Variants in ZNF544 observed in about 807,000 individuals in gnomAD.
ZNF544 encodes zinc finger protein AF020591.
ZNF544 carries 10 observed loss-of-function variants against 13.5 expected under a neutral mutation model. That is an observed-to-expected ratio of 0.74 (90% confidence interval 0.46 to 1.25). The LOEUF (loss-of-function observed/expected upper bound fraction) is 1.25, where lower values mean the gene tolerates loss of function less well. Ranked by LOEUF, ZNF544 falls within the 50% of genes most tolerant of loss-of-function variation. The pLI is 0.00. For synonymous variants in ZNF544, 323 were observed against 300.5 expected (o/e 1.07, Z -0.77); for missense variants, 896 against 845.6 (o/e 1.06, Z -0.74).
chr19:58,261,341 T>G lies in ZNF544; in HGVS notation c.735T>G (p.Ile245Met). 6.2e-7 allele frequency: 1 copy of G among 1,614,172 alleles called. No homozygotes were observed. The highest frequency in any genetic ancestry group is 8.5e-7 in the Non-Finnish European group (1 of 1,180,046). The change falls in exon 7 of 7, where the codon ATT becomes ATG. Residue 245 changes from isoleucine (I) to methionine (M), a missense_variant. Ile to Met is a conservative substitution (Grantham distance 10). Transcript: ENST00000687789. ...ETGKKNPYEY[I>M]VSGDSLNYGS... is the part of the protein sequence containing the mutation. ...GAAAGAAAAACCCTTATGAATATAT[T>G]GTCAGTGGTGACTCTCTCAACTATG... is the stretch of plus-strand genomic sequence containing the variant.
Position 58,261,364 on chromosome 19 carries a change from A to G in ZNF544, c.758A>G (p.Tyr253Cys), listed in dbSNP as rs1417903426. The G allele has an allele frequency of 2.5e-6, 4 of 1,614,072 alleles. No homozygotes were observed. The highest frequency in any genetic ancestry group is 8.5e-7 in the Non-Finnish European group (1 of 1,180,050). ...EYIVSGDSLN[Y>C]GSSLCFHGRT... is the part of the protein sequence containing the mutation. ...ATTGTCAGTGGTGACTCTCTCAACT[A>G]TGGTTCCTCCCTTTGTTTTCATGGT... Residue 253 changes from tyrosine (Y) to cysteine (C), a missense_variant, in exon 7 of 7, where the codon TAT (tyrosine) becomes TGT (cysteine). Coordinates refer to ENST00000687789, the MANE Select transcript of ZNF544 (RefSeq NM_014480.4).
chr19:58,232,946 CAAAAAA>C (rs71190012), intron 3 of ZNF544, among the ~76,000 whole-genome samples: 2 of 46,078 alleles, frequency 4.3e-5, no homozygotes, highest in Admixed American at 3.1e-4. Flanking sequence ...GACTCCATCT[CAAAAAA>C]AAAAAAAAAA....
chr19:58,229,518 T>C lies in ZNF544; in HGVS notation c.-181T>C, dbSNP rs948228366. On this transcript the variant is annotated 5_prime_UTR_variant, in exon 2 of 7. Transcript: ENST00000687789. ...AGCGGCACCAGGCAGGTGACGCCTA[T>C]TGGACCCCAGAGGTCATCCCAGCTC... 1.3e-5 allele frequency: 2 copies of C among 152,344 alleles called. No homozygotes were observed. Among genetic ancestry groups the C allele is most frequent in the Non-Finnish European group, 2.9e-5 (2 of 68,136 alleles). The allele number at this position is 152,344 out of a possible 1,614,324, so 9.4% of individuals were successfully genotyped here.
intron 6 of ZNF544, chr19:58,251,468 G>A: frequency 4.2e-6 from 2 of 479,962 alleles, no homozygotes; most frequent in South Asian, 3.0e-5. Context: ...ACTGAAAATG[G>A]TCCCTTCCAC....
chr19:58,265,664 T>TGGCTCACTGCAGCCTC (rs2049777360), downstream of ZNF544, among the ~76,000 whole-genome samples: 1 of 151,972 alleles, frequency 6.6e-6, no homozygotes, highest in Non-Finnish European at 1.5e-5. Context: ...GGCGCAGTCA[T>TGGCTCACTGCAGCCTC]GGCTCACTGC....
chr19:58,242,387 A>AG, intron 3 of ZNF544: 1 of 715,940 alleles, frequency 1.4e-6, no homozygotes, highest in Non-Finnish European at 1.7e-6. Context: ...TATTCCAGGG[A>AG]ATTTTTTTTT....
intron 6 of ZNF544, among the ~76,000 whole-genome samples, chr19:58,254,869 T>C (rs1159184633): frequency 6.6e-6 from 1 of 151,670 alleles, no homozygotes; most frequent in South Asian, 2.1e-4. Context: ...TCTTTCTTTT[T>C]TTTTTTTTTT....
At chr19:58,276,230 A>C in intron 5 of ZNF544, 1 of 534,058 alleles carries the variant, frequency 1.9e-6, no homozygotes, top group Non-Finnish European at 2.8e-6. Flanking sequence ...TAAAGAGAAT[A>C]GATCTTTGCA....
At chr19:58,253,739 C>T (rs973434016) in intron 6 of ZNF544, among the ~76,000 whole-genome samples, 1 of 152,190 alleles carries the variant, frequency 6.6e-6, no homozygotes, top group Non-Finnish European at 1.5e-5. Flanking sequence ...CATGCCCGGC[C>T]AAACTAGTCT....
At chr19:58,243,671 C>T (rs1399708468) in intron 3 of ZNF544, among the ~76,000 whole-genome samples, 1 of 152,104 alleles carries the variant, frequency 6.6e-6, no homozygotes, top group African/African-American at 2.4e-5. Context: ...TGTACAATTA[C>T]TTAGACACCT....
In ZNF544 at chr19:58,246,736, G is replaced by A; in HGVS notation, c.186G>A (p.Val62=). Reference sequence around the variant, plus strand: ...GGCTTTTCCTTTCCAAATCTGATGTGATCTCTCAGCTGGAGCAAGAAGAGG... The same window carrying A: ...GGCTTTTCCTTTCCAAATCTGATGTAATCTCTCAGCTGGAGCAAGAAGAGG... ...SLGLFLSKSD[V]ISQLEQEEDL... Residue 62 remains valine (V), a synonymous_variant, in exon 6 of 7, where the codon GTG becomes GTA. Transcript: ENST00000687789. The A allele has an allele frequency of 6.2e-7, 1 of 1,614,142 alleles. No homozygotes were observed. Among genetic ancestry groups the A allele is most frequent in the African/African-American group, 1.3e-5 (1 of 75,050 alleles).
chr19:58,243,961 C>G lies in ZNF544; in HGVS notation c.-59-4C>G. 1 of 1,566,318 alleles carries G rather than the reference C, an allele frequency of 6.4e-7. No homozygotes were observed. The highest frequency in any genetic ancestry group is 8.7e-7 in the Non-Finnish European group (1 of 1,154,760). ...GCTGAATCTCTGCTTGTTTTCCACCCCAGACTGGTCTTCTGAGGACCTCTG... is the reference window on the plus strand; with the variant it reads ...GCTGAATCTCTGCTTGTTTTCCACCGCAGACTGGTCTTCTGAGGACCTCTG... On this transcript the variant is annotated splice_polypyrimidine_tract_variant and splice_region_variant and intron_variant, in intron 3 of 6. Transcript: ENST00000687789.
chr19:58,264,833 C>T (rs1021835553), downstream of ZNF544, among the ~76,000 whole-genome samples: 1 of 152,072 alleles, frequency 6.6e-6, no homozygotes, highest in East Asian at 1.9e-4. Context: ...ATGTTGAGAC[C>T]CCATCTCTAC....
chr19:58,246,428 G>A lies in ZNF544; in HGVS notation c.160+1G>A, dbSNP rs563193589. On this transcript the variant is annotated splice_donor_variant, in intron 5 of 6. Coordinates refer to ENST00000687789, the MANE Select transcript of ZNF544 (RefSeq NM_014480.4). LOFTEE classifies it high-confidence loss of function. ...ACCTGGGAGCATATTGTCTCCCTGGGTAAGTGGCTGTGCTCATGGAAGGAG... is the reference window on the plus strand; with the variant it reads ...ACCTGGGAGCATATTGTCTCCCTGGATAAGTGGCTGTGCTCATGGAAGGAG... 6.2e-7 allele frequency: 1 copy of A among 1,614,024 alleles called. No homozygotes were observed. The highest frequency in any genetic ancestry group is 8.5e-7 in the Non-Finnish European group (1 of 1,179,968).
chr19:58,268,887 C>G (rs1479112085), downstream of ZNF544, among the ~76,000 whole-genome samples: 1 of 152,158 alleles, frequency 6.6e-6, no homozygotes, highest in African/African-American at 2.4e-5. Flanking sequence ...CTAACAAAGA[C>G]TTACTAGCAC....
At chr19:58,267,354 A>T (rs1429841037), downstream of ZNF544, among the ~76,000 whole-genome samples, 1 of 150,924 alleles carries the variant, frequency 6.6e-6, no homozygotes, top group Non-Finnish European at 1.5e-5. Context: ...GAGCCACCGC[A>T]CCCAGCAGAA....
chr19:58,231,609 G>A (rs1358454194), intron 3 of ZNF544, among the ~76,000 whole-genome samples: 2 of 152,122 alleles, frequency 1.3e-5, no homozygotes, highest in East Asian at 3.8e-4. Flanking sequence ...ATGTTGCCCA[G>A]GCTTGTCTCG....
At chr19:58,236,954 TG>T (rs1459027151) in intron 3 of ZNF544, among the ~76,000 whole-genome samples, 4 of 151,874 alleles carry the variant, frequency 2.6e-5, no homozygotes, top group African/African-American at 9.7e-5. Context: ...TTAACCAGGC[TG>T]GTCTTGATCT....
intron 6 of ZNF544, among the ~76,000 whole-genome samples, chr19:58,250,953 G>A (rs1042230685): frequency 2.0e-5 from 3 of 152,156 alleles, no homozygotes; most frequent in African/African-American, 7.2e-5. Context: ...ACTGCTGGAG[G>A]GGTAAAGTGA....
Sources: gnomAD v4.1 joint callset for allele counts (sites outside exome capture counted in the v4.1 genomes callset) on GRCh38, gnomAD v4.1.1 for gene constraint, MANE v1.5 for transcripts, NCBI Gene and HGNC (gene_info 2026-07-23, HGNC 2026-07-21) for gene names.